HDAC9: variants seen among roughly 807,000 people sequenced by gnomAD.
The protein encoded by HDAC9 is histone deacetylase 9.
A neutral mutation model predicts 139.4 loss-of-function variants in HDAC9; 41 were observed. The observed-to-expected ratio is 0.29, with a 90% CI of 0.23 to 0.38. The LOEUF (loss-of-function observed/expected upper bound fraction) is 0.38. Among genes scored for constraint, HDAC9 ranks in the 10% least tolerant of loss-of-function variants. The pLI is 1.00. For synonymous variants in HDAC9, 517 were observed against 476.2 expected (o/e 1.09, Z -1.12); for missense variants, 1,147 against 1,297.0 (o/e 0.88, Z 1.78).
intron 15 of HDAC9, among the ~76,000 whole-genome samples, chr7:18,764,924 A>C (rs925400169): frequency 6.6e-6 from 1 of 152,182 alleles, no homozygotes; most frequent in African/African-American, 2.4e-5. Context: ...ATAGATGATA[A>C]AATAATTGGA....
At chr7:18,403,134 G>A (rs1029780700) in intron 1 of HDAC9, among the ~76,000 whole-genome samples, 2 of 152,094 alleles carry the variant, frequency 1.3e-5, no homozygotes, top group Admixed American at 1.3e-4. Flanking sequence ...ATTTGGAGCT[G>A]GGAATTATAT....
intron 1 of HDAC9, among the ~76,000 whole-genome samples, chr7:18,352,962 C>A (rs1782966770): frequency 6.6e-6 from 1 of 152,096 alleles, no homozygotes; most frequent in Non-Finnish European, 1.5e-5. Flanking sequence ...CTTAACAAAT[C>A]AGCAAAATAT....
intron 13 of HDAC9, among the ~76,000 whole-genome samples, chr7:18,733,113 A>G (rs115120679): frequency 0.032 from 4,667 of 145,018 alleles, 264 homozygotes; most frequent in African/African-American, 0.11. Context: ...ATACATATAT[A>G]TGTGTATACA....
rs56124284 is a variant in HDAC9, at chr7:18,662,671, G to T, written c.1468-3542G>T. ...CAGGAGGCTGAGTTTCTCTTCTGAT[G>T]CTTCCATTTTCTCAATGAAATGAGA... is the stretch of plus-strand genomic sequence containing the variant. On this transcript the variant is annotated intron_variant, in intron 11 of 25. Coordinates refer to ENST00000686413, the MANE Select transcript of HDAC9 (RefSeq NM_178425.4). Among the ~76,000 whole-genome samples, 1,425 of 152,114 alleles carry T rather than the reference G, an allele frequency of 9.4e-3. 22 individuals are homozygous for T. The highest frequency in any genetic ancestry group is 0.033 in the African/African-American group (1,352 of 41,524).
rs909047747 is a variant in HDAC9, at chr7:18,640,459, C to G, written c.913-4212C>G. ...CAAGGGCTATCATTGACTTTTTTGT[C>G]TTCTTAAGAGTAAGAAAAGTATTTG... On this transcript the variant is annotated intron_variant, in intron 8 of 25. Transcript: ENST00000686413. Among the ~76,000 whole-genome samples the G allele has an allele frequency of 2.1e-5, 3 of 140,000 alleles. No homozygotes were observed. In the East Asian group the frequency reaches 6.7e-4, roughly 31 times the overall value. The allele number at this position is 140,000 out of a possible 152,430, so 91.8% of individuals were successfully genotyped here. A position where few individuals can be genotyped will look rare whatever the true frequency, so the allele number is the denominator to read the frequency against.
intron 17 of HDAC9, among the ~76,000 whole-genome samples, chr7:18,805,579 T>C (rs1585068668): frequency 1.3e-5 from 2 of 152,256 alleles, no homozygotes; most frequent in Admixed American, 1.3e-4. Flanking sequence ...TCACCAACAA[T>C]GGTTGCCTGC....
At chr7:18,130,372 G>C (rs1784926282) in intron 1 of HDAC9, among the ~76,000 whole-genome samples, 1 of 152,134 alleles carries the variant, frequency 6.6e-6, no homozygotes, top group Admixed American at 6.6e-5. Context: ...ATAGTGGCAT[G>C]AGGGACGGTG....
Position 18,247,395 on chromosome 7 carries a change from T to C in HDAC9, c.25+85046T>C, listed in dbSNP as rs1794628213. The stretch of plus-strand genomic sequence containing the variant: ...TAGGAGAAAAATCATGGGTGTGTAG[T>C]GTTTTGGAAGCCATGTAATGAAAGT... On this transcript the variant is annotated intron_variant, in intron 2 of 12. Coordinates refer to the HDAC9 transcript ENST00000417496. Among the ~76,000 whole-genome samples the C allele has an allele frequency of 2.0e-5, 3 of 151,988 alleles. No individual in the cohort carries two copies. The South Asian group carries it at 6.2e-4, about 32-fold the overall frequency.
At chr7:18,312,104 T>TAG (rs1799356861) in intron 1 of HDAC9, among the ~76,000 whole-genome samples, 1 of 152,182 alleles carries the variant, frequency 6.6e-6, no homozygotes, top group African/African-American at 2.4e-5. Flanking sequence ...GGCATACAGT[T>TAG]AGAGGTGCAG....
intron 1 of HDAC9, among the ~76,000 whole-genome samples, chr7:18,141,567 T>A (rs990032654): frequency 6.6e-6 from 1 of 152,206 alleles, no homozygotes; most frequent in Admixed American, 6.5e-5. Flanking sequence ...GTATAGCTAT[T>A]GACAGCCTAG....
At chr7:18,570,427 A>C (rs994116930) in intron 2 of HDAC9, among the ~76,000 whole-genome samples, 3 of 152,218 alleles carry the variant, frequency 2.0e-5, no homozygotes, top group African/African-American at 7.2e-5. Context: ...ATTATGAACA[A>C]ATGTTTTTCT....
At chr7:18,768,197 T>G (rs552150241) in intron 16 of HDAC9, among the ~76,000 whole-genome samples, 5 of 152,250 alleles carry the variant, frequency 3.3e-5, no homozygotes, top group African/African-American at 4.8e-5. Context: ...ATTTTGCAAA[T>G]GAGAAAGTGA....
At chr7:18,870,140 A>G (rs563708383) in intron 21 of HDAC9, among the ~76,000 whole-genome samples, 2 of 152,286 alleles carry the variant, frequency 1.3e-5, no homozygotes, top group Non-Finnish European at 2.9e-5. Flanking sequence ...TAGTATAGTT[A>G]TCAAAATTAA....
chr7:18,271,293 T>C (rs1796333323), intron 2 of HDAC9, among the ~76,000 whole-genome samples: 1 of 152,202 alleles, frequency 6.6e-6, no homozygotes, highest in African/African-American at 2.4e-5. Context: ...CTCTATGTAT[T>C]GATTTGTGTA....
At chr7:18,449,356 A>G (rs1057482935) in intron 1 of HDAC9, among the ~76,000 whole-genome samples, 8 of 152,220 alleles carry the variant, frequency 5.3e-5, no homozygotes, top group African/African-American at 1.9e-4. Flanking sequence ...ACTGAAAGAA[A>G]GTAACCAAAC....
intron 16 of HDAC9, among the ~76,000 whole-genome samples, chr7:18,784,966 TG>T (rs771352197): frequency 0.17 from 26,186 of 151,048 alleles, 2,717 homozygotes; most frequent in Middle Eastern, 0.26. Flanking sequence ...TGTGTGTGTG[TG>T]TGTGTGTCTG....
rs1795957912 is a variant in HDAC9 at position 18,832,843 on chromosome 7, C to G, written c.2467-2624C>G. On this transcript the variant is annotated intron_variant, in intron 19 of 25. Transcript: ENST00000686413. ...CTCCACCTCCCGGGTTCAAGCGATT[C>G]TCCTGCCTCAGCCTCCCGAGTAGCT... Among the ~76,000 whole-genome samples, 3 of 152,136 alleles carry G rather than the reference C, an allele frequency of 2.0e-5. No individual in the cohort carries two copies. The South Asian group carries it at 6.2e-4, about 32-fold the overall frequency.
chr7:18,763,421 A>C (rs924952234), intron 15 of HDAC9, among the ~76,000 whole-genome samples: 1 of 152,218 alleles, frequency 6.6e-6, no homozygotes, highest in African/African-American at 2.4e-5. Context: ...CCAGAGGGGA[A>C]TACATAAAGA....
intron 16 of HDAC9, among the ~76,000 whole-genome samples, chr7:18,784,697 AC>A (rs1791547183): frequency 6.6e-6 from 1 of 152,084 alleles, no homozygotes; most frequent in African/African-American, 2.4e-5. Context: ...GGTGTAAACA[AC>A]GGTTTTGAAA....
Sources: allele counts gnomAD v4.1 joint callset (sites outside exome capture counted in the v4.1 genomes callset), GRCh38; gene constraint gnomAD v4.1.1; transcripts MANE v1.5; gene names NCBI Gene and HGNC (gene_info 2026-07-23, HGNC 2026-07-21).